The following PROM1 variants were observed in gnomAD, a reference collection of about 807,000 sequenced individuals.
PROM1 encodes prominin 1.
Under a neutral mutation model 116.9 loss-of-function variants are expected in PROM1, and 105 were observed. The observed-to-expected ratio is 0.90, with a 90% confidence interval of 0.77 to 1.06. The LOEUF is 1.06. Among genes scored for constraint, PROM1 ranks in the 50% least tolerant of loss-of-function variants. The pLI is 0.00. For synonymous variants in PROM1, 393 were observed against 387.0 expected, an observed-to-expected ratio of 1.02 and a Z score of -0.18; for missense variants, 1,122 against 1,045.2, an observed-to-expected ratio of 1.07 and a Z score of -1.01.
intron 4 of PROM1, among the ~76,000 whole-genome samples, chr4:16,033,992 T>C (rs907059748): frequency 1.3e-5 from 2 of 152,128 alleles, no homozygotes; most frequent in African/African-American, 4.8e-5. Flanking sequence ...ATTAAATACA[T>C]GGCCAAGTGG....
chr4:15,974,118 T>TTCTCTCTCTCTC lies in PROM1; in HGVS notation c.2583-3048_2583-3037dup, dbSNP rs35011290. On this transcript the variant is annotated intron_variant, in intron 26 of 27. Transcript: ENST00000447510. Reference sequence around the variant, plus strand: ...ACACAGACACACACACTCTCTCTCTTTCTCTCTCTCTCTCTCTCTCTCTCT... The same window carrying TTCTCTCTCTCTC: ...ACACAGACACACACACTCTCTCTCTTTCTCTCTCTCTCTCTCTCTCTCTCTCTCTCTCTCTCT... Among the ~76,000 whole-genome samples the TTCTCTCTCTCTC allele has an allele frequency of 2.3e-3, 344 of 149,470 alleles. 2 individuals carry two copies. Among genetic ancestry groups the TTCTCTCTCTCTC allele is most frequent in the Middle Eastern group, 0.017 (5 of 292 alleles).
intron 27 of PROM1, among the ~76,000 whole-genome samples, chr4:15,970,291 G>C (rs1714132908): frequency 6.7e-6 from 1 of 150,298 alleles, no homozygotes; most frequent in Non-Finnish European, 1.5e-5. Context: ...TTGGCCTCCT[G>C]AGTAGCTGAG....
At chr4:15,985,298 G>T (rs1489280516) in intron 22 of PROM1, among the ~76,000 whole-genome samples, 4 of 152,166 alleles carry the variant, frequency 2.6e-5, no homozygotes, top group African/African-American at 9.7e-5. Flanking sequence ...TTTGGTATCT[G>T]CAGGGGACTC....
chr4:16,000,875 G>A (rs1348524580), intron 13 of PROM1, among the ~76,000 whole-genome samples: 1 of 151,250 alleles, frequency 6.6e-6, no homozygotes, highest in East Asian at 1.9e-4. Flanking sequence ...GGGGATCACT[G>A]GATAGGGGCC....
Position 16,009,116 on chromosome 4 carries a change from C to G in PROM1, c.1142-8G>C. ...TCAAGACCCTTTTGATACCTGAAAACAAAGATACCTTTGTTATGCATTTGC... is the reference window on the plus strand; with the variant it reads ...TCAAGACCCTTTTGATACCTGAAAAGAAAGATACCTTTGTTATGCATTTGC... On this transcript the variant is annotated splice_polypyrimidine_tract_variant and splice_region_variant and intron_variant, in intron 11 of 27. Coordinates refer to ENST00000447510, the MANE Select transcript of PROM1 (RefSeq NM_006017.3). 6.2e-7 allele frequency: 1 copy of G among 1,610,410 alleles called. No homozygotes were observed. The highest frequency in any genetic ancestry group is 8.5e-7 in the Non-Finnish European group (1 of 1,178,178).
chr4:16,056,590 TGGAAGA>T, intron 2 of PROM1, among the ~76,000 whole-genome samples: 1 of 147,042 alleles, frequency 6.8e-6, no homozygotes, highest in Non-Finnish European at 1.5e-5. Context: ...GGTGTTGGGG[TGGAAGA>T]CGATCTGTCC....
chr4:15,991,731 G>A (rs1380988288), intron 17 of PROM1, among the ~76,000 whole-genome samples: 1 of 151,418 alleles, frequency 6.6e-6, no homozygotes, highest in African/African-American at 2.4e-5. Context: ...TCAAGGGATC[G>A]AGACTATCCT....
chr4:16,046,753 C>A (rs970374936), intron 2 of PROM1, among the ~76,000 whole-genome samples: 1 of 152,196 alleles, frequency 6.6e-6, no homozygotes, highest in Non-Finnish European at 1.5e-5. Context: ...ACAAGAATGA[C>A]CCCATCGACT....
intron 2 of PROM1, among the ~76,000 whole-genome samples, chr4:16,064,471 A>G (rs996848647): frequency 2.0e-5 from 3 of 152,216 alleles, no homozygotes; most frequent in Non-Finnish European, 4.4e-5. Context: ...CCAGGTAACA[A>G]GAGGCAGTTC....
intron 26 of PROM1, among the ~76,000 whole-genome samples, chr4:15,974,447 A>T (rs1715559713): frequency 6.6e-6 from 1 of 152,224 alleles, no homozygotes; most frequent in Non-Finnish European, 1.5e-5. Context: ...AAAGAAAAAG[A>T]GACCAAAAAA....
At chr4:16,039,504 G>A (rs1252378698) in intron 2 of PROM1, among the ~76,000 whole-genome samples, 2 of 152,188 alleles carry the variant, frequency 1.3e-5, no homozygotes. Context: ...TTGGGACACA[G>A]AGGCAGGTGG....
At position 16,033,342 on chromosome 4, in the gene PROM1, G is replaced by A. The variant is rs767061511; in HGVS notation, c.471C>T (p.Cys157=). ...QKENGPFLRK[C]FAISLLVICI... is the part of the protein sequence containing the mutation. ...AAATCACCAACAGGGAGATTGCAAA[G>A]CATTTCCTCAGGAAGGGCCCATTTT... is the stretch of plus-strand genomic sequence containing the variant. Residue 157 remains cysteine, a synonymous_variant, in exon 5 of 28, where the codon TGC becomes TGT. Coordinates refer to ENST00000447510, the MANE Select transcript of PROM1 (RefSeq NM_006017.3). 1.1e-5 allele frequency: 18 copies of A among 1,613,676 alleles called. No individual in the cohort carries two copies. Among genetic ancestry groups the A allele is most frequent in the Non-Finnish European group, 1.3e-5 (15 of 1,179,800 alleles).
intron 22 of PROM1, among the ~76,000 whole-genome samples, chr4:15,985,168 A>G (rs998241334): frequency 5.9e-5 from 9 of 152,216 alleles, no homozygotes; most frequent in Admixed American, 5.9e-4. Context: ...TTTACATAGC[A>G]TGTACATTGT....
At chr4:16,016,492 A>G (rs1367826502) in intron 9 of PROM1, among the ~76,000 whole-genome samples, 1 of 152,226 alleles carries the variant, frequency 6.6e-6, no homozygotes, top group African/African-American at 2.4e-5. Flanking sequence ...GAAATGTAAC[A>G]CAAATGTAAT....
intron 2 of PROM1, among the ~76,000 whole-genome samples, chr4:16,058,246 A>G (rs1289623737): frequency 6.6e-6 from 1 of 152,244 alleles, no homozygotes; most frequent in Non-Finnish European, 1.5e-5. Context: ...TCAGAACACA[A>G]CCACTGAAGG....
intron 13 of PROM1, among the ~76,000 whole-genome samples, chr4:16,004,586 TA>T (rs973074516): frequency 2.2e-4 from 33 of 152,316 alleles, no homozygotes; most frequent in African/African-American, 7.9e-4. Context: ...ACAACCAAGT[TA>T]AATTGTTGTT....
At chr4:16,034,832 G>A (rs1416565239) in intron 4 of PROM1, among the ~76,000 whole-genome samples, 1 of 152,166 alleles carries the variant, frequency 6.6e-6, no homozygotes, top group African/African-American at 2.4e-5. Context: ...TCCCAGCAGG[G>A]GGCTTCCAGG....
intron 2 of PROM1, among the ~76,000 whole-genome samples, chr4:16,069,963 C>A (rs1206413818): frequency 6.6e-6 from 1 of 152,122 alleles, no homozygotes; most frequent in East Asian, 1.9e-4. Flanking sequence ...TGGCCACCTG[C>A]GATTGGCTGA....
intron 26 of PROM1, 69 bp from the exon 27 acceptor site, chr4:15,971,151 G>A: frequency 3.7e-6 from 5 of 1,346,474 alleles, no homozygotes; most frequent in Non-Finnish European, 5.1e-6. Flanking sequence ...TCACCTCTGT[G>A]CTAAGAAGCA....
Sources: gnomAD v4.1 joint callset for allele counts (sites outside exome capture counted in the v4.1 genomes callset) on GRCh38, gnomAD v4.1.1 for gene constraint, MANE v1.5 for transcripts, NCBI Gene and HGNC (gene_info 2026-07-23, HGNC 2026-07-21) for gene names.